ASAP3: variants seen among roughly 807,000 people sequenced by gnomAD.
ASAP3 encodes the protein arf-GAP with SH3 domain, ANK repeat and PH domain-containing protein 3.
Under a neutral mutation model 118.2 loss-of-function variants are expected in ASAP3, and 85 were observed. That is an observed-to-expected ratio of 0.72 (90% CI 0.60 to 0.86). The LOEUF (loss-of-function observed/expected upper bound fraction) is 0.86, where lower values mean the gene tolerates loss of function less well. Among genes scored for constraint, ASAP3 ranks in the 40% least tolerant of loss-of-function variants. The pLI is 0.00. For synonymous variants in ASAP3, 432 were observed against 477.4 expected, an observed-to-expected ratio of 0.90 and a Z score of 1.24; for missense variants, 1,026 against 1,175.0, an observed-to-expected ratio of 0.87 and a Z score of 1.85.
intron 1 of ASAP3, among the ~76,000 whole-genome samples, chr1:23,478,785 GA>G (rs1055614599): frequency 1.1e-4 from 16 of 151,908 alleles, no homozygotes; most frequent in African/African-American, 3.9e-4. Flanking sequence ...AATAAAAAAT[GA>G]AAAAACTCCT....
rs541475319 is a variant in ASAP3, at chr1:23,464,697, A to G, written c.130-8503T>C. Among the ~76,000 whole-genome samples, 7 of 129,958 alleles carry G rather than the reference A, an allele frequency of 5.4e-5. No individual in the cohort carries two copies. In the East Asian group the frequency reaches 1.2e-3, roughly 22 times the overall value. 85.3% of individuals were successfully genotyped at this position (129,958 alleles called of 152,430 possible). Reference sequence around the variant, plus strand: ...AAAAAAAAAAAAAAAAAAAAAAATCAGCTTCTGGGTTCAGGTGGGCCCATT... The same window carrying G: ...AAAAAAAAAAAAAAAAAAAAAAATCGGCTTCTGGGTTCAGGTGGGCCCATT... On this transcript the variant is annotated intron_variant, in intron 1 of 24. Coordinates refer to ENST00000336689, the MANE Select transcript of ASAP3 (RefSeq NM_017707.4).
At chr1:23,447,190 G>A (rs963568481) in intron 5 of ASAP3, among the ~76,000 whole-genome samples, 3 of 152,202 alleles carry the variant, frequency 2.0e-5, no homozygotes, top group African/African-American at 7.2e-5. Context: ...CAGGGGTTGA[G>A]GACCCCTGGT....
rs764420343 is a variant in ASAP3, at chr1:23,437,726, C to T, written c.1103-254G>A. On this transcript the variant is annotated intron_variant, in intron 12 of 24. Transcript: ENST00000336689. This position sits in a 1 kb window ranked among gnomAD's most constrained non-coding sequence, Gnocchi z 6.1. ...CCCTGGTTCCAGGCTCAGACGAGGT[C>T]TCAAAGGGCTTGGAACCCCAGAGAA... Among the ~76,000 whole-genome samples the T allele has an allele frequency of 2.0e-5, 3 of 152,146 alleles. No homozygotes were observed. Among genetic ancestry groups the T allele is most frequent in the Admixed American group, 6.5e-5 (1 of 15,284 alleles).
chr1:23,431,722 C>G lies in ASAP3; in HGVS notation c.2520G>C (p.Ser840=). The change falls in exon 23 of 25, where the codon TCG becomes TCC. Residue 840 remains serine, a synonymous_variant. Transcript: ENST00000336689. Reference sequence around the variant, plus strand: ...TGAATCTGACGGGGAGGTACATCTCCGAAGGGGTGGTCCCGGATGTCAGGC... The same window carrying G: ...TGAATCTGACGGGGAGGTACATCTCGGAAGGGGTGGTCCCGGATGTCAGGC... ...RPSLTSGTTP[S]EMYLPVRFSS... is the part of the protein sequence containing the mutation. The G allele has an allele frequency of 2.0e-6, 3 of 1,522,146 alleles. No homozygotes were observed. In the East Asian group the frequency reaches 6.9e-5, roughly 35 times the overall value. The allele number at this position is 1,522,146 out of a possible 1,614,324, so 94.3% of individuals were successfully genotyped here. A position where few individuals can be genotyped will look rare whatever the true frequency, so the allele number is the denominator to read the frequency against.
chr1:23,442,591 G>A lies in ASAP3; in HGVS notation c.495C>T (p.Arg165=), dbSNP rs773198621. Residue 165 remains arginine, a synonymous_variant, in exon 6 of 25, where the codon CGC becomes CGT. Coordinates refer to ENST00000336689, the MANE Select transcript of ASAP3 (RefSeq NM_017707.4). ...TCCCTCCTGTCACCCTGGCCCGATC[G>A]CGCTCCTTCTCCAGCTTGGCCCTAG... is the stretch of plus-strand genomic sequence containing the variant. ...EAKMAKLEKE[R]DRARVTGGIP... 43 of 1,613,928 alleles carry A rather than the reference G, an allele frequency of 2.7e-5. No individual in the cohort carries two copies. Among genetic ancestry groups the A allele is most frequent in the South Asian group, 1.9e-4 (17 of 91,078 alleles).
Position 23,431,136 on chromosome 1 carries a change from G to A in ASAP3, c.2547-11C>T, listed in dbSNP as rs1161992060. 2 of 1,573,966 alleles carry A rather than the reference G, an allele frequency of 1.3e-6. No individual in the cohort carries two copies. Among genetic ancestry groups the A allele is most frequent in the Non-Finnish European group, 1.7e-6 (2 of 1,159,788 alleles). ...CGAGTGCTCTCGGAGCTGGAAGGCAGGGAAAGGCCAACATGACCCTCATGT... is the reference window on the plus strand; with the variant it reads ...CGAGTGCTCTCGGAGCTGGAAGGCAAGGAAAGGCCAACATGACCCTCATGT... On this transcript the variant is annotated splice_polypyrimidine_tract_variant and intron_variant, in intron 23 of 24. Transcript: ENST00000336689.
chr1:23,464,659 T>TAAAAAAAAAAAAA (rs57655847), intron 1 of ASAP3, among the ~76,000 whole-genome samples: 9 of 47,094 alleles, frequency 1.9e-4, no homozygotes, highest in African/African-American at 9.2e-4. Flanking sequence ...GACACTGTCT[T>TAAAAAAAAAAAAA]AAAAAAAAAA....
At chr1:23,435,611 A>C (rs1640609047) in intron 17 of ASAP3, 1 of 579,614 alleles carries the variant, frequency 1.7e-6, no homozygotes, top group African/African-American at 1.9e-5. Context: ...TTTATAGATG[A>C]GGAAATGAGA....
intron 1 of ASAP3, among the ~76,000 whole-genome samples, chr1:23,482,121 G>A (rs2148668722): frequency 6.6e-6 from 1 of 152,348 alleles, no homozygotes; most frequent in East Asian, 1.9e-4. Flanking sequence ...TAGGCTCCGT[G>A]AGACAAATGA....
intron 6 of ASAP3, 93 bp from the exon 7 acceptor site, chr1:23,442,364 G>A: frequency 6.4e-7 from 1 of 1,567,530 alleles, no homozygotes; most frequent in Non-Finnish European, 8.7e-7. Context: ...TAATCCTCCT[G>A]GCTGCGACTG....
At chr1:23,466,529 A>G (rs542257) in intron 1 of ASAP3, among the ~76,000 whole-genome samples, 1 of 152,136 alleles carries the variant, frequency 6.6e-6, no homozygotes, top group Non-Finnish European at 1.5e-5. Flanking sequence ...CCCAACATAC[A>G]CACACACCAT....
Position 23,436,603 on chromosome 1 carries a change from G to A in ASAP3, c.1528C>T (p.Leu510=), listed in dbSNP as rs752462758. 1 of 1,614,094 alleles carries A rather than the reference G, an allele frequency of 6.2e-7. No individual in the cohort carries two copies. The highest frequency in any genetic ancestry group is 1.3e-5 in the African/African-American group (1 of 74,920). Residue 510 remains leucine (L), a synonymous_variant, in exon 16 of 25, where the codon CTA becomes TTA. Transcript: ENST00000336689. This position sits in a 1 kb window ranked among gnomAD's most constrained non-coding sequence, Gnocchi z 4.2. ...TSFNEVMEAQ[L]PSHGGPKPSA... ...GGTTTAGGGCCGCCGTGTGAGGGTAGCTGGGCCTCCATGACCTCATTGAAG... is the reference window on the plus strand; with the variant it reads ...GGTTTAGGGCCGCCGTGTGAGGGTAACTGGGCCTCCATGACCTCATTGAAG...
At position 23,436,048 on chromosome 1, in the gene ASAP3, G is replaced by T; in HGVS notation, c.1572-20C>A. ...GTGCCCCTACCAAAAACAACCACAGGATCTCAGAGCATGGACCGTGTCTGC... is the reference window on the plus strand; with the variant it reads ...GTGCCCCTACCAAAAACAACCACAGTATCTCAGAGCATGGACCGTGTCTGC... On this transcript the variant is annotated intron_variant, in intron 16 of 24. Transcript: ENST00000336689. This position sits in a 1 kb window ranked among gnomAD's most constrained non-coding sequence, Gnocchi z 4.2. 1.2e-6 allele frequency: 2 copies of T among 1,613,482 alleles called. No individual in the cohort carries two copies. Among genetic ancestry groups the T allele is most frequent in the Non-Finnish European group, 1.7e-6 (2 of 1,179,456 alleles).
Position 23,436,600 on chromosome 1 carries a change from G to A in ASAP3, c.1531C>T (p.Pro511Ser). The change falls in exon 16 of 25, where the codon CCC becomes TCC. Residue 511 changes from proline to serine, a missense_variant. Transcript: ENST00000336689. This position sits in a 1 kb window ranked among gnomAD's most constrained non-coding sequence, Gnocchi z 4.2. Reference sequence around the variant, plus strand: ...GAGGGTTTAGGGCCGCCGTGTGAGGGTAGCTGGGCCTCCATGACCTCATTG... The same window carrying A: ...GAGGGTTTAGGGCCGCCGTGTGAGGATAGCTGGGCCTCCATGACCTCATTG... ...SFNEVMEAQL[P>S]SHGGPKPSAE... 1 of 1,614,214 alleles carries A rather than the reference G, an allele frequency of 6.2e-7. No individual in the cohort carries two copies. Among genetic ancestry groups the A allele is most frequent in the Non-Finnish European group, 8.5e-7 (1 of 1,180,032 alleles).
At position 23,438,665 on chromosome 1, in the gene ASAP3, C is replaced by A; in HGVS notation, c.1102+82G>T. 7.6e-7 allele frequency: 1 copy of A among 1,309,706 alleles called. No homozygotes were observed. The highest frequency in any genetic ancestry group is 1.1e-6 in the Non-Finnish European group (1 of 917,244). The allele number at this position is 1,309,706 out of a possible 1,614,324, so 81.1% of individuals were successfully genotyped here. ...TGTGGAACTGGACACAGACCCCTCA[C>A]TGAAGCCCCCCGGGAGCTGACAGGT... On this transcript the variant is annotated intron_variant, in intron 12 of 24. Transcript: ENST00000336689. This position sits in a 1 kb window ranked among gnomAD's most constrained non-coding sequence, Gnocchi z 4.9.
At chr1:23,461,678 A>C (rs1464995982) in intron 1 of ASAP3, among the ~76,000 whole-genome samples, 10 of 123,104 alleles carry the variant, frequency 8.1e-5, no homozygotes, top group Admixed American at 2.4e-4. Flanking sequence ...CCCCCCCACA[A>C]AAAAAAAAAA....
chr1:23,446,594 C>T lies in ASAP3; in HGVS notation c.474-3982G>A, dbSNP rs138312664. Among the ~76,000 whole-genome samples, 168 of 152,170 alleles carry T rather than the reference C, an allele frequency of 1.1e-3. 3 individuals carry two copies. The East Asian group carries it at 0.025, about 22-fold the overall frequency. ...CTGGGATTACAGGCGCCCACAACCACACCCAGCTAATTTTCGTATTTTTAG... is the reference window on the plus strand; with the variant it reads ...CTGGGATTACAGGCGCCCACAACCATACCCAGCTAATTTTCGTATTTTTAG... On this transcript the variant is annotated intron_variant, in intron 5 of 24. Transcript: ENST00000336689.
At chr1:23,472,644 C>A (rs1641996942) in intron 1 of ASAP3, among the ~76,000 whole-genome samples, 2 of 152,208 alleles carry the variant, frequency 1.3e-5, no homozygotes, top group African/African-American at 4.8e-5. Context: ...ATAATCTCAA[C>A]ACTCACTCAT....
At position 23,434,277 on chromosome 1, in the gene ASAP3, T is replaced by C. The variant is rs1640551201; in HGVS notation, c.1928A>G (p.Lys643Arg). The C allele has an allele frequency of 6.2e-7, 1 of 1,614,034 alleles. No individual in the cohort carries two copies. The highest frequency in any genetic ancestry group is 8.5e-7 in the Non-Finnish European group (1 of 1,180,028). Residue 643 changes from lysine to arginine, a missense_variant, in exon 19 of 25, where the codon AAG becomes AGG. Coordinates refer to ENST00000336689, the MANE Select transcript of ASAP3 (RefSeq NM_017707.4). ...NQPDCLKLLL[K>R]GRALVGTVNE... is the part of the protein sequence containing the mutation. ...ACCTGTGCCAACCAAAGCTCTCCCC[T>C]TCAGCAGCAGCTTGAGGCAGTCGGG...
Sources: gnomAD v4.1 joint callset for allele counts (sites outside exome capture counted in the v4.1 genomes callset) on GRCh38, gnomAD v4.1.1 for gene constraint, Gnocchi (gnomAD v3.1) non-coding constraint, MANE v1.5 for transcripts, NCBI Gene and HGNC (gene_info 2026-07-23, HGNC 2026-07-21) for gene names.